The following NOD2 variants were observed in gnomAD, a reference collection of about 807,000 sequenced individuals.
NOD2 encodes the protein nucleotide-binding oligomerization domain-containing protein 2.
NOD2 carries 86 observed loss-of-function variants against 90.9 expected under a neutral mutation model. The observed-to-expected ratio is 0.95, with a 90% CI of 0.79 to 1.13. The LOEUF is 1.13. NOD2 is among the 50% of genes most tolerant of loss of function. The pLI is 0.00. For synonymous variants in NOD2, 581 were observed against 554.6 expected (o/e 1.05, Z -0.67); for missense variants, 1,238 against 1,283.8 (o/e 0.96, Z 0.55).
intron 6 of NOD2, 122 bp downstream of exon 6, chr16:50,717,096 A>G: frequency 1.2e-6 from 1 of 834,620 alleles, no homozygotes; most frequent in Non-Finnish European, 2.1e-6. Flanking sequence ...GAATGCAGGG[A>G]CAGTGTCTCA....
chr16:50,707,696 G>T (rs940896223), intron 2 of NOD2, among the ~76,000 whole-genome samples, 159 bp from the exon 3 acceptor site: 1 of 152,218 alleles, frequency 6.6e-6, no homozygotes, highest in Non-Finnish European at 1.5e-5. Flanking sequence ...ATCCAACACT[G>T]TATTAACTAC....
At chr16:50,708,282 A>C (rs977516512) in intron 3 of NOD2, among the ~76,000 whole-genome samples, 5 of 152,206 alleles carry the variant, frequency 3.3e-5, no homozygotes, top group African/African-American at 1.2e-4. Flanking sequence ...AAAGATATGG[A>C]CACATGTTTT....
chr16:50,697,002 T>C (rs1963677917), intron 1 of NOD2: 1 of 581,298 alleles, frequency 1.7e-6, no homozygotes, highest in African/African-American at 1.9e-5. Flanking sequence ...AGTGGGGTTT[T>C]TCAGTGAGGG....
chr16:50,697,133 G>A (rs1374813022), intron 1 of NOD2: 27 of 941,842 alleles, frequency 2.9e-5, no homozygotes, highest in Middle Eastern at 3.1e-4. Context: ...CTTGAAGGTG[G>A]GGTTGGTAGA....
Position 50,711,270 on chromosome 16 carries a change from G to A in NOD2, c.1278G>A (p.Glu426=). The A allele has an allele frequency of 6.2e-7, 1 of 1,613,810 alleles. No individual in the cohort carries two copies. The highest frequency in any genetic ancestry group is 8.5e-7 in the Non-Finnish European group (1 of 1,180,016). The change falls in exon 4 of 12, where the codon GAG becomes GAA. Residue 426 remains glutamate (E), a synonymous_variant. Coordinates refer to ENST00000647318, the MANE Select transcript of NOD2 (RefSeq NM_001370466.1). ...AGGGCTTCTCTGAACAGGGCATCGA[G>A]CTGTACCTGAGGAAGCGCCATCATG... ...NLKGFSEQGI[E]LYLRKRHHEP...
At chr16:50,699,982 A>C (rs756371440) in intron 2 of NOD2, 28 bp downstream of exon 2, 2 of 1,588,866 alleles carry the variant, frequency 1.3e-6, no homozygotes, top group Non-Finnish European at 1.7e-6. Context: ...TGCATCACAG[A>C]GTTCTCAGGA....
Position 50,716,977 on chromosome 16 carries a change from G to A in NOD2, c.2549+3G>A. On this transcript the variant is annotated splice_donor_region_variant and intron_variant, in intron 6 of 11. Transcript: ENST00000647318. ...AGGCAGAACTTCTTGGCATTGAGGTGAGCCCAGGTTTTCCTTATTCCCTGG... is the reference window on the plus strand; with the variant it reads ...AGGCAGAACTTCTTGGCATTGAGGTAAGCCCAGGTTTTCCTTATTCCCTGG... 1 of 1,614,096 alleles carries A rather than the reference G, an allele frequency of 6.2e-7. No individual in the cohort carries two copies. The highest frequency in any genetic ancestry group is 8.5e-7 in the Non-Finnish European group (1 of 1,179,914).
At position 50,719,956 on chromosome 16, in the gene NOD2, G is replaced by T. The variant is rs1267396833; in HGVS notation, c.2581G>T (p.Ala861Ser). 2 of 1,614,222 alleles carry T rather than the reference G, an allele frequency of 1.2e-6. No individual in the cohort carries two copies. The highest frequency in any genetic ancestry group is 1.7e-6 in the Non-Finnish European group (2 of 1,180,040). ...LGNNYITAAG[A>S]QVLAEGLRGN... ...GAATAACTACATCACTGCCGCGGGAGCCCAAGTGCTGGCCGAGGGGCTCCG... is the reference window on the plus strand; with the variant it reads ...GAATAACTACATCACTGCCGCGGGATCCCAAGTGCTGGCCGAGGGGCTCCG... Residue 861 changes from alanine to serine, a missense_variant, in exon 7 of 12, where the codon GCC (alanine) becomes TCC (serine). By Grantham distance (99) the Ala-to-Ser change is moderately conservative. This residue lies in a region of NOD2 where 667 missense variants were observed against 688.7 expected (regional missense o/e 0.97). Coordinates refer to ENST00000647318, the MANE Select transcript of NOD2 (RefSeq NM_001370466.1).
chr16:50,712,588 G>A, intron 4 of NOD2: 3 of 629,774 alleles, frequency 4.8e-6, no homozygotes, highest in Non-Finnish European at 8.3e-6. Flanking sequence ...TGGGTCTGGT[G>A]CTATGCTTTC....
rs769569037 is a variant in NOD2, at chr16:50,711,891, A to G, written c.1899A>G (p.Ala633=). ...CGGAGGGAAAGGACAGCAGCGTGGC[A>G]GCTTTGCTGCAGAAGGCCGAGCCGC... The part of the protein sequence containing the change: ...QASEGKDSSV[A]ALLQKAEPHN... The change falls in exon 4 of 12, where the codon GCA becomes GCG. Residue 633 remains alanine (A), a synonymous_variant. Coordinates refer to ENST00000647318, the MANE Select transcript of NOD2 (RefSeq NM_001370466.1). The G allele has an allele frequency of 1.9e-6, 3 of 1,608,760 alleles. No homozygotes were observed. Among genetic ancestry groups the G allele is most frequent in the South Asian group, 2.2e-5 (2 of 90,962 alleles).
chr16:50,712,634 G>T, intron 4 of NOD2: 1 of 563,784 alleles, frequency 1.8e-6, no homozygotes, highest in South Asian at 2.1e-5. Context: ...AACCACCCTG[G>T]CGGGTAGGCA....
intron 2 of NOD2, among the ~76,000 whole-genome samples, chr16:50,703,862 T>C (rs2150791395): frequency 6.6e-6 from 1 of 152,234 alleles, no homozygotes; most frequent in South Asian, 2.1e-4. Flanking sequence ...TGGGGAAATA[T>C]TGGGCTCATT....
intron 9 of NOD2, among the ~76,000 whole-genome samples, chr16:50,725,064 G>A (rs1965216055): frequency 6.6e-6 from 1 of 152,172 alleles, no homozygotes. Context: ...CCTTTAAAAA[G>A]CATTCCTGGA....
At position 50,722,771 on chromosome 16, in the gene NOD2, C is replaced by G. The variant is rs563084418; in HGVS notation, c.2717+66C>G. On this transcript the variant is annotated intron_variant, in intron 8 of 11. Coordinates refer to ENST00000647318, the MANE Select transcript of NOD2 (RefSeq NM_001370466.1). ...CAGGTGAAGAGGGAGGAGCTGGGGC[C>G]AGTTCTGAAGGTCTTTGAACTTTAT... 5.4e-5 allele frequency: 78 copies of G among 1,440,436 alleles called. No homozygotes were observed. The East Asian group carries it at 1.7e-3, about 31-fold the overall frequency. 89.2% of individuals were successfully genotyped at this position (1,440,436 alleles called of 1,614,324 possible).
chr16:50,717,578 T>TA (rs1964857344), intron 6 of NOD2, among the ~76,000 whole-genome samples: 3 of 152,210 alleles, frequency 2.0e-5, no homozygotes, highest in South Asian at 2.1e-4. Context: ...TGTGAGGCAG[T>TA]AAAAAAAGAC....
intron 4 of NOD2, among the ~76,000 whole-genome samples, chr16:50,715,124 T>C (rs1472313033): frequency 6.6e-6 from 1 of 152,152 alleles, no homozygotes; most frequent in East Asian, 1.9e-4. Context: ...CACAATGTCA[T>C]GGTTAAGAGT....
At chr16:50,713,383 A>G (rs1214204411) in intron 4 of NOD2, 2 of 152,178 alleles carry the variant, frequency 1.3e-5, no homozygotes. Flanking sequence ...TTTATTTTTC[A>G]TCATGGACCA....
At chr16:50,719,601 A>C (rs1045287157) in intron 6 of NOD2, 1 of 455,524 alleles carries the variant, frequency 2.2e-6, no homozygotes, top group Non-Finnish European at 4.2e-6. Context: ...GGCTGAGACC[A>C]GAGGGAAAGG....
At chr16:50,695,198 C>T (rs373875308) in intron 1 of NOD2, among the ~76,000 whole-genome samples, 56 of 151,750 alleles carry the variant, frequency 3.7e-4, no homozygotes, top group Middle Eastern at 3.2e-3. Context: ...GCCCGTTGAG[C>T]GGATCATTGC....
Sources: allele counts gnomAD v4.1 joint callset (sites outside exome capture counted in the v4.1 genomes callset), GRCh38; gene constraint gnomAD v4.1.1; regional missense constraint gnomAD v4.1.1; transcripts MANE v1.5; gene names NCBI Gene and HGNC (gene_info 2026-07-23, HGNC 2026-07-21).